RPIA: variants seen among roughly 807,000 people sequenced by gnomAD.
RPIA encodes the protein ribose 5-phosphate isomerase A.
Under a neutral mutation model 37.8 loss-of-function variants are expected in RPIA, and 29 were observed. That is an observed-to-expected ratio of 0.77 (90% CI 0.57 to 1.05). The LOEUF is 1.05. Among genes scored for constraint, RPIA ranks in the 50% least tolerant of loss-of-function variants. The pLI, the probability that RPIA is intolerant of heterozygous loss-of-function variation, is 0.00. For synonymous variants in RPIA, 167 were observed against 157.0 expected, an observed-to-expected ratio of 1.06 and a Z score of -0.48; for missense variants, 385 against 413.6, an observed-to-expected ratio of 0.93 and a Z score of 0.60.
intron 3 of RPIA, among the ~76,000 whole-genome samples, chr2:88,725,656 G>T (rs1279922390): frequency 1.3e-5 from 2 of 152,130 alleles, no homozygotes; most frequent in Non-Finnish European, 2.9e-5. Context: ...ATTTGAATTT[G>T]ATTACCTCTC....
chr2:88,739,655 T>A (rs1284876116), intron 8 of RPIA, among the ~76,000 whole-genome samples: 1 of 152,234 alleles, frequency 6.6e-6, no homozygotes, highest in East Asian at 1.9e-4. Flanking sequence ...TCTCGCTCTG[T>A]CACCCAGAGT....
chr2:88,695,944 G>C (rs373533852), intron 1 of RPIA, among the ~76,000 whole-genome samples: 1 of 150,268 alleles, frequency 6.7e-6, no homozygotes, highest in African/African-American at 2.5e-5. Flanking sequence ...TTTTTTTTTG[G>C]TAACTCTACT....
intron 1 of RPIA, among the ~76,000 whole-genome samples, chr2:88,695,956 G>T (rs1227204404): frequency 6.6e-6 from 1 of 150,498 alleles, no homozygotes; most frequent in African/African-American, 2.5e-5. Context: ...AACTCTACTT[G>T]TTGGTCATTC....
At chr2:88,720,549 T>A (rs967552252) in intron 3 of RPIA, among the ~76,000 whole-genome samples, 3 of 151,514 alleles carry the variant, frequency 2.0e-5, no homozygotes, top group Non-Finnish European at 4.4e-5. Context: ...ATGTAATAAA[T>A]GTCAAACTTC....
chr2:88,713,907 GTTAA>G (rs1461652410), intron 3 of RPIA, among the ~76,000 whole-genome samples: 2 of 144,530 alleles, frequency 1.4e-5, no homozygotes, highest in African/African-American at 5.2e-5. Context: ...TTGTTTTATG[GTTAA>G]TTTTTTTTTT....
At chr2:88,701,555 C>A (rs1454728605) in intron 3 of RPIA, among the ~76,000 whole-genome samples, 1 of 1,656 alleles carries the variant, frequency 6.0e-4, no homozygotes, top group Non-Finnish European at 1.1e-3. Context: ...TTACCTCCCA[C>A]CCCTGACCTC....
intron 3 of RPIA, among the ~76,000 whole-genome samples, chr2:88,701,288 A>G (rs73952335): frequency 0.066 from 9,849 of 150,064 alleles, 579 homozygotes; most frequent in African/African-American, 0.16. Flanking sequence ...TTCTTGAGGC[A>G]ATGCTTTTAA....
intron 1 of RPIA, among the ~76,000 whole-genome samples, chr2:88,693,413 T>C (rs1308797730): frequency 1.3e-5 from 2 of 152,230 alleles, no homozygotes; most frequent in Admixed American, 1.3e-4. Context: ...GGGGCACCTG[T>C]TAAAATCATA....
intron 3 of RPIA, among the ~76,000 whole-genome samples, chr2:88,713,116 A>ATTT (rs1328922128): frequency 1.9e-5 from 1 of 52,142 alleles, no homozygotes; most frequent in African/African-American, 1.0e-4. Flanking sequence ...ATATATATAT[A>ATTT]TATATTTTTT....
At chr2:88,720,322 G>A (rs1673104587) in intron 3 of RPIA, among the ~76,000 whole-genome samples, 1 of 152,064 alleles carries the variant, frequency 6.6e-6, no homozygotes, top group African/African-American at 2.4e-5. Flanking sequence ...AATCTGTTAG[G>A]CCAGTTACCA....
chr2:88,716,025 C>T (rs1360632236), intron 3 of RPIA, among the ~76,000 whole-genome samples: 1 of 152,032 alleles, frequency 6.6e-6, no homozygotes, highest in East Asian at 1.9e-4. Context: ...CAAAATTTGC[C>T]CACAAGGAAC....
chr2:88,697,959 C>A (rs1376903304), intron 1 of RPIA, among the ~76,000 whole-genome samples: 1 of 152,122 alleles, frequency 6.6e-6, no homozygotes, highest in East Asian at 1.9e-4. Flanking sequence ...AAGCCAGAAG[C>A]CTTAGCTTTC....
chr2:88,735,118 T>A (rs553854971), intron 5 of RPIA, among the ~76,000 whole-genome samples: 1 of 152,360 alleles, frequency 6.6e-6, no homozygotes, highest in East Asian at 1.9e-4. Flanking sequence ...TCAAGCAGAC[T>A]ATTGAGTGAT....
chr2:88,739,765 A>T (rs1205895108), intron 8 of RPIA, among the ~76,000 whole-genome samples: 2 of 152,080 alleles, frequency 1.3e-5, no homozygotes, highest in African/African-American at 4.8e-5. Flanking sequence ...CTGCAGACAC[A>T]CACCACCAGG....
intron 3 of RPIA, among the ~76,000 whole-genome samples, chr2:88,719,700 C>T (rs1371992896): frequency 1.3e-5 from 2 of 152,046 alleles, no homozygotes; most frequent in Admixed American, 6.6e-5. Context: ...ACAATAAGCC[C>T]TAATCAAAAC....
At chr2:88,745,166 G>A (rs892043451) in intron 8 of RPIA, among the ~76,000 whole-genome samples, 1 of 152,016 alleles carries the variant, frequency 6.6e-6, no homozygotes, top group Non-Finnish European at 1.5e-5. Flanking sequence ...CACCATATTG[G>A]CCAGGCTGGT....
Position 88,750,346 on chromosome 2 carries a change from G to A in RPIA, c.*268G>A. 5.4e-6 allele frequency: 2 copies of A among 373,722 alleles called. No individual in the cohort carries two copies. The highest frequency in any genetic ancestry group is 9.5e-6 in the Non-Finnish European group (2 of 210,434). 23.2% of individuals were successfully genotyped at this position (373,722 alleles called of 1,614,324 possible). The stretch of plus-strand genomic sequence containing the variant: ...TAGAACTTGAGTTCATGTTTTATAT[G>A]AAATATTTACCAAAAAAAAAAAATG... On this transcript the variant is annotated 3_prime_UTR_variant, in exon 9 of 9. Coordinates refer to ENST00000283646, the MANE Select transcript of RPIA (RefSeq NM_144563.3).
rs754323268 is a variant in RPIA at position 88,691,736 on chromosome 2, G to C, written c.38G>C (p.Arg13Pro). The change falls in exon 1 of 9, where the codon CGG becomes CCG. Residue 13 changes from arginine (R) to proline (P), a missense_variant. Physicochemically the swap from Arg to Pro is moderately radical, Grantham distance 103. Coordinates refer to ENST00000283646, the MANE Select transcript of RPIA (RefSeq NM_144563.3). ...GGGCCCTTCAGCACCCTCTACGGGC[G>C]GGTCTTGGCCCCGCTGCCCGGGAGG... is the stretch of plus-strand genomic sequence containing the variant. ...RPGPFSTLYG[R>P]VLAPLPGRAG... 1 of 1,594,664 alleles carries C rather than the reference G, an allele frequency of 6.3e-7. No individual in the cohort carries two copies. Among genetic ancestry groups the C allele is most frequent in the Non-Finnish European group, 8.5e-7 (1 of 1,175,384 alleles).
At chr2:88,736,275 C>T (rs1324031791) in intron 6 of RPIA, among the ~76,000 whole-genome samples, 1 of 152,186 alleles carries the variant, frequency 6.6e-6, no homozygotes, top group Admixed American at 6.5e-5. Flanking sequence ...GAAATATAGC[C>T]ACAGGACGAG....
Sources: gnomAD v4.1 joint callset for allele counts (sites outside exome capture counted in the v4.1 genomes callset) on GRCh38, gnomAD v4.1.1 for gene constraint, MANE v1.5 for transcripts, NCBI Gene and HGNC (gene_info 2026-07-23, HGNC 2026-07-21) for gene names.